Variants in RIN2 observed in about 807,000 individuals in gnomAD.
RIN2 encodes the protein RAB5 interacting protein 2.
RIN2 carries 36 observed loss-of-function variants against 78.0 expected under a neutral mutation model. That is an observed-to-expected ratio of 0.46 (90% confidence interval 0.35 to 0.61). The LOEUF is 0.61. RIN2 is among the 20% of genes least tolerant of loss of function. RIN2 has a pLI of 0.00. For synonymous variants in RIN2, 466 were observed against 466.8 expected (o/e 1.00, Z 0.02); for missense variants, 1,087 against 1,159.7 (o/e 0.94, Z 0.91).
chr20:19,985,108 A>G (rs957628892), intron 9 of RIN2, among the ~76,000 whole-genome samples: 15 of 152,130 alleles, frequency 9.9e-5, no homozygotes, highest in African/African-American at 3.4e-4. Flanking sequence ...TCAAAGTCTC[A>G]CTGCCTTCTG....
chr20:19,783,193 G>C (rs2034567073), intron 1 of RIN2, among the ~76,000 whole-genome samples: 1 of 152,202 alleles, frequency 6.6e-6, no homozygotes, highest in Non-Finnish European at 1.5e-5. Context: ...GTTGTAACTG[G>C]AAAAACTTTC....
intron 2 of RIN2, among the ~76,000 whole-genome samples, chr20:19,806,491 C>T (rs115497293): frequency 6.6e-6 from 1 of 152,168 alleles, no homozygotes; most frequent in Admixed American, 6.5e-5. Context: ...ACCCATTTTT[C>T]CAGGGAAGGA....
At chr20:19,998,333 C>T (rs1171293296) in intron 12 of RIN2, among the ~76,000 whole-genome samples, 2 of 151,830 alleles carry the variant, frequency 1.3e-5, no homozygotes, top group African/African-American at 2.4e-5. Context: ...TGAGGTGGCT[C>T]ATGCCTGTAA....
At chr20:19,855,902 T>C (rs1050766255) in intron 2 of RIN2, among the ~76,000 whole-genome samples, 10 of 152,172 alleles carry the variant, frequency 6.6e-5, no homozygotes, top group Middle Eastern at 3.4e-3. Context: ...GGTGAAACCC[T>C]ATCTCTACTA....
chr20:19,954,883 G>A (rs2041472456), intron 4 of RIN2, among the ~76,000 whole-genome samples: 1 of 152,104 alleles, frequency 6.6e-6, no homozygotes, highest in African/African-American at 2.4e-5. Flanking sequence ...TTGGTAAAAT[G>A]GGAATTAAAC....
rs563473535 is a variant in RIN2, at chr20:19,803,183, C to G, written c.-37+3436C>G. Among the ~76,000 whole-genome samples the G allele has an allele frequency of 4.6e-5, 7 of 152,232 alleles. No homozygotes were observed. The East Asian group carries it at 1.4e-3, about 29-fold the overall frequency. On this transcript the variant is annotated intron_variant, in intron 2 of 12. Coordinates refer to ENST00000255006, the MANE Select transcript of RIN2 (RefSeq NM_018993.4). ...TTCTCTTTTACCTGTCTATTTTCCT[C>G]GATTCTACCCTGTTCTTTCAACCCT... is the stretch of plus-strand genomic sequence containing the variant.
chr20:19,965,205 G>A lies in RIN2; in HGVS notation c.536+181G>A, dbSNP rs6136901. ...GGTTCACCAAGTTCACACCATGCCA[G>A]GCTTAAGGTCAAAACGACTATCCCA... On this transcript the variant is annotated intron_variant, in intron 7 of 12. Coordinates refer to ENST00000255006, the MANE Select transcript of RIN2 (RefSeq NM_018993.4). 8.5e-4 allele frequency among the ~76,000 whole-genome samples: 130 copies of A among 152,228 alleles called. No homozygotes were observed. In the East Asian group the frequency reaches 0.024, roughly 28 times the overall value.
intron 2 of RIN2, among the ~76,000 whole-genome samples, chr20:19,883,368 C>T (rs1234621396): frequency 7.4e-6 from 1 of 135,702 alleles, no homozygotes. Flanking sequence ...TAGACCTGGT[C>T]TCTCTCTGTT....
chr20:19,788,434 A>AAAAAAAAAAAAAAAACAAAAAC (rs1568752533), intron 1 of RIN2, among the ~76,000 whole-genome samples: 15 of 137,526 alleles, frequency 1.1e-4, no homozygotes, highest in African/African-American at 3.5e-4. Context: ...GTCTCTGCCA[A>AAAAAAAAAAAAAAAACAAAAAC]AAAAAAAAAA....
intron 9 of RIN2, among the ~76,000 whole-genome samples, chr20:19,984,186 T>A (rs2042555277): frequency 6.6e-6 from 1 of 152,122 alleles, no homozygotes; most frequent in South Asian, 2.1e-4. Context: ...ATCACACACC[T>A]GTACATTTTT....
chr20:19,942,671 C>A, intron 4 of RIN2, among the ~76,000 whole-genome samples: 1 of 152,190 alleles, frequency 6.6e-6, no homozygotes, highest in Admixed American at 6.5e-5. Flanking sequence ...GTAGATCATG[C>A]ATGATTTTTC....
intron 2 of RIN2, among the ~76,000 whole-genome samples, chr20:19,810,755 G>A (rs1600510571): frequency 7.0e-6 from 1 of 142,550 alleles, no homozygotes. Flanking sequence ...GTGCAGTGGC[G>A]TGATCTCGGC....
At chr20:19,778,278 C>T (rs961884770) in intron 1 of RIN2, among the ~76,000 whole-genome samples, 10 of 152,172 alleles carry the variant, frequency 6.6e-5, no homozygotes, top group Non-Finnish European at 1.5e-4. Flanking sequence ...ACAAAAGACC[C>T]TAAAAATCAC....
intron 2 of RIN2, among the ~76,000 whole-genome samples, chr20:19,812,096 G>A (rs1216163774): frequency 1.3e-5 from 2 of 151,484 alleles, no homozygotes; most frequent in Non-Finnish European, 2.9e-5. Flanking sequence ...TTCATTGCAT[G>A]GATTTATCAC....
chr20:19,778,409 A>C (rs1310196548), intron 1 of RIN2, among the ~76,000 whole-genome samples: 1 of 152,244 alleles, frequency 6.6e-6, no homozygotes, highest in Non-Finnish European at 1.5e-5. Flanking sequence ...TGTGTGAGGC[A>C]CTGTGGTGGG....
intron 3 of RIN2, among the ~76,000 whole-genome samples, chr20:19,905,369 C>A (rs2039174454): frequency 6.6e-6 from 1 of 152,090 alleles, no homozygotes; most frequent in Admixed American, 6.6e-5. Context: ...AGTGAGAGAA[C>A]CTCTGAGGAC....
chr20:19,862,967 C>T (rs550438841), intron 2 of RIN2, among the ~76,000 whole-genome samples: 1 of 152,328 alleles, frequency 6.6e-6, no homozygotes, highest in East Asian at 1.9e-4. Flanking sequence ...GTACCATGTT[C>T]CTCCCTCTTG....
chr20:19,961,451 T>A (rs2041744389), intron 6 of RIN2, among the ~76,000 whole-genome samples: 2 of 152,172 alleles, frequency 1.3e-5, no homozygotes, highest in African/African-American at 4.8e-5. Context: ...CCAGTTCTGA[T>A]GTACTGCCAG....
chr20:19,918,254 C>T (rs939308271), intron 3 of RIN2, among the ~76,000 whole-genome samples: 2 of 141,388 alleles, frequency 1.4e-5, no homozygotes, highest in Non-Finnish European at 3.0e-5. Context: ...GTTAAGCAAC[C>T]TCCCACCCAA....
Sources: gnomAD v4.1 joint callset for allele counts (sites outside exome capture counted in the v4.1 genomes callset) on GRCh38, gnomAD v4.1.1 for gene constraint, MANE v1.5 for transcripts, NCBI Gene and HGNC (gene_info 2026-07-23, HGNC 2026-07-21) for gene names.